Variants in ITPR2 observed in about 807,000 individuals in gnomAD.
ITPR2 encodes inositol 1,4,5-trisphosphate-gated calcium channel ITPR2.
Under a neutral mutation model 317.1 loss-of-function variants are expected in ITPR2, and 207 were observed. The ratio of observed to expected loss-of-function variants is 0.65; its 90% CI spans 0.58 to 0.73. The LOEUF (loss-of-function observed/expected upper bound fraction) is 0.73, where lower values mean the gene tolerates loss of function less well. Among genes scored for constraint, ITPR2 ranks in the 30% least tolerant of loss-of-function variants. The pLI, the probability that ITPR2 is intolerant of heterozygous loss-of-function variation, is 0.00. For synonymous variants in ITPR2, 1,156 were observed against 1,149.1 expected (o/e 1.01, Z -0.12); for missense variants, 2,613 against 3,284.0 (o/e 0.80, Z 4.99).
chr12:26,719,976 T>C (rs1045153686), intron 5 of ITPR2, among the ~76,000 whole-genome samples: 1 of 152,154 alleles, frequency 6.6e-6, no homozygotes. Context: ...CATGGGAAGA[T>C]ACATAAAGAT....
chr12:26,527,000 A>T (rs1204047530), intron 37 of ITPR2, among the ~76,000 whole-genome samples: 4 of 152,206 alleles, frequency 2.6e-5, no homozygotes, highest in African/African-American at 9.6e-5. Context: ...TACCTTCTTT[A>T]TGAAATATCC....
chr12:26,780,716 G>A (rs537243522), intron 2 of ITPR2, among the ~76,000 whole-genome samples: 6 of 152,256 alleles, frequency 3.9e-5, no homozygotes, highest in South Asian at 2.1e-4. Flanking sequence ...CAGGATTCAC[G>A]GGTCCAGGAA....
chr12:26,590,435 G>A (rs973948955), intron 32 of ITPR2, among the ~76,000 whole-genome samples: 1 of 152,008 alleles, frequency 6.6e-6, no homozygotes, highest in African/African-American at 2.4e-5. Flanking sequence ...TAGACCAATG[G>A]AACAGAAAAG....
chr12:26,494,141 A>G lies in ITPR2; in HGVS notation c.5370+12T>C. ...ATAATAAATGTAATCCCCATGATTG[A>G]TGAACAAGTACCTGTGTTTGTGTAT... On this transcript the variant is annotated intron_variant, in intron 39 of 56. Transcript: ENST00000381340. The G allele has an allele frequency of 6.3e-7, 1 of 1,594,532 alleles. No individual in the cohort carries two copies. The highest frequency in any genetic ancestry group is 8.6e-7 in the Non-Finnish European group (1 of 1,167,282).
At chr12:26,524,076 T>TCA (rs141076596) in intron 37 of ITPR2, among the ~76,000 whole-genome samples, 2,928 of 152,288 alleles carry the variant, frequency 0.019, 54 homozygotes, top group African/African-American at 0.046. Flanking sequence ...TTAAAACCAG[T>TCA]CACACAGTAC....
At chr12:26,619,017 A>G (rs896984153) in intron 26 of ITPR2, among the ~76,000 whole-genome samples, 4 of 152,214 alleles carry the variant, frequency 2.6e-5, no homozygotes, top group East Asian at 3.8e-4. Flanking sequence ...GAGCACATCA[A>G]CTTCTTACTG....
At chr12:26,740,467 G>A (rs1949211521) in intron 2 of ITPR2, among the ~76,000 whole-genome samples, 1 of 152,134 alleles carries the variant, frequency 6.6e-6, no homozygotes, top group Non-Finnish European at 1.5e-5. Context: ...AAAGAGGAAG[G>A]CAGATCAACA....
At chr12:26,680,830 CAT>C (rs1948015048) in intron 13 of ITPR2, among the ~76,000 whole-genome samples, 1 of 152,140 alleles carries the variant, frequency 6.6e-6, no homozygotes, top group Non-Finnish European at 1.5e-5. Flanking sequence ...CATTCTTGAA[CAT>C]GTGTCCTGGT....
chr12:26,718,814 G>A (rs1019596047), intron 5 of ITPR2, among the ~76,000 whole-genome samples: 10 of 151,874 alleles, frequency 6.6e-5, no homozygotes, highest in Non-Finnish European at 1.5e-4. Context: ...GTTTCACTAC[G>A]TTGGTCAGGC....
intron 39 of ITPR2, among the ~76,000 whole-genome samples, chr12:26,492,124 C>T (rs1487927569): frequency 6.6e-6 from 1 of 152,124 alleles, no homozygotes; most frequent in African/African-American, 2.4e-5. Flanking sequence ...AGAAGACAAG[C>T]TGGAGAGGGT....
intron 43 of ITPR2, among the ~76,000 whole-genome samples, chr12:26,480,115 G>A (rs1942512250): frequency 6.6e-6 from 1 of 152,180 alleles, no homozygotes; most frequent in African/African-American, 2.4e-5. Context: ...TGGATAGACA[G>A]GGCTTCACAG....
Position 26,655,612 on chromosome 12 carries a change from TCAA to T in ITPR2, c.2589+93_2589+95del. On this transcript the variant is annotated intron_variant, in intron 20 of 56. Coordinates refer to ENST00000381340, the MANE Select transcript of ITPR2 (RefSeq NM_002223.4). Reference sequence around the variant, plus strand: ...CTGGGCGACCGAGTGAGACTCTGTCTCAAAAAAAAAAAAAAAAAAAGCAGAGAA... The same window carrying T: ...CTGGGCGACCGAGTGAGACTCTGTCTAAAAAAAAAAAAAAAAAGCAGAGAA... 4 of 820,616 alleles carry T rather than the reference TCAA, an allele frequency of 4.9e-6. No homozygotes were observed. The African/African-American group carries it at 8.4e-5, about 17-fold the overall frequency. 50.8% of individuals were successfully genotyped at this position (820,616 alleles called of 1,614,324 possible).
At chr12:26,648,236 T>C (rs1227843120) in intron 21 of ITPR2, among the ~76,000 whole-genome samples, 6 of 152,222 alleles carry the variant, frequency 3.9e-5, no homozygotes, top group Admixed American at 3.9e-4. Flanking sequence ...CTGGCGCCAC[T>C]GAGGCTGGCA....
At chr12:26,376,771 A>C (rs1345311694) in intron 55 of ITPR2, among the ~76,000 whole-genome samples, 1 of 145,706 alleles carries the variant, frequency 6.9e-6, no homozygotes, top group Non-Finnish European at 1.5e-5. Context: ...ACTAAGTCTC[A>C]CTTGGTCACG....
chr12:26,548,149 A>C (rs1024304870), intron 37 of ITPR2, among the ~76,000 whole-genome samples: 2 of 152,212 alleles, frequency 1.3e-5, no homozygotes, highest in African/African-American at 4.8e-5. Context: ...TGGTAATTCT[A>C]TTGAGAAAGT....
At chr12:26,513,180 CTT>C (rs2136919903) in intron 37 of ITPR2, among the ~76,000 whole-genome samples, 1 of 152,146 alleles carries the variant, frequency 6.6e-6, no homozygotes, top group East Asian at 1.9e-4. Context: ...GAGCAGATAC[CTT>C]ACTATAAGAC....
At chr12:26,471,722 T>C (rs564148829) in intron 45 of ITPR2, among the ~76,000 whole-genome samples, 5 of 152,344 alleles carry the variant, frequency 3.3e-5, no homozygotes, top group East Asian at 1.9e-4. Flanking sequence ...AAGATGATTA[T>C]AGTAAAACAA....
In ITPR2 at chr12:26,658,022, G is replaced by A; in HGVS notation, c.1995C>T (p.Leu665=). 1 of 1,610,944 alleles carries A rather than the reference G, an allele frequency of 6.2e-7. No individual in the cohort carries two copies. The highest frequency in any genetic ancestry group is 8.5e-7 in the Non-Finnish European group (1 of 1,179,032). ...FMLSPGNADI[L]IQTKVVSMQA... ...TTATCTGGGCTTACTTAGTTTGAAT[G>A]AGAATGTCTGCATTGCCTGGACTCA... is the stretch of plus-strand genomic sequence containing the variant. The change falls in exon 17 of 57, where the codon CTC becomes CTT. Residue 665 remains leucine, a synonymous_variant. Coordinates refer to ENST00000381340, the MANE Select transcript of ITPR2 (RefSeq NM_002223.4).
intron 1 of ITPR2, among the ~76,000 whole-genome samples, chr12:26,816,686 G>A (rs74072374): frequency 0.026 from 3,995 of 152,160 alleles, 173 homozygotes; most frequent in African/African-American, 0.091. Flanking sequence ...CTATAATTGC[G>A]GTAAGTTTTG....
Sources: gnomAD v4.1 joint callset for allele counts (sites outside exome capture counted in the v4.1 genomes callset) on GRCh38, gnomAD v4.1.1 for gene constraint, MANE v1.5 for transcripts, NCBI Gene and HGNC (gene_info 2026-07-23, HGNC 2026-07-21) for gene names.